SLF2: variants seen among roughly 807,000 people sequenced by gnomAD.
The protein encoded by SLF2 is SMC5/6 complex localization factor 2.
SLF2 carries 68 observed loss-of-function variants against 124.3 expected under a neutral mutation model. The observed-to-expected ratio is 0.55, with a 90% CI of 0.45 to 0.67. SLF2 has a LOEUF of 0.67. SLF2 is among the 30% of genes least tolerant of loss of function. The probability of loss-of-function intolerance (pLI) is 0.00; values close to 1 mark genes in which losing one functional copy is unlikely to be tolerated. For synonymous variants in SLF2, 480 were observed against 478.8 expected, an observed-to-expected ratio of 1.00 and a Z score of -0.03; for missense variants, 1,246 against 1,373.7, an observed-to-expected ratio of 0.91 and a Z score of 1.47.
At chr10:100,940,820 C>CTCCTTCCT (rs537223341) in intron 11 of SLF2, among the ~76,000 whole-genome samples, 31,173 of 100,868 alleles carry the variant, frequency 0.31, 6,470 homozygotes, top group Middle Eastern at 0.43. Flanking sequence ...CCTGCCCCTT[C>CTCCTTCCT]TCCTTCCTTC....
chr10:100,917,063 C>G lies in SLF2; in HGVS notation c.678C>G (p.His226Gln). 1 of 1,614,170 alleles carries G rather than the reference C, an allele frequency of 6.2e-7. No homozygotes were observed. The highest frequency in any genetic ancestry group is 1.1e-5 in the South Asian group (1 of 91,082). ...GCAGGAGCAGCCTGTCCAGGCACCA[C>G]CCGGAAGAAAGCCCACTGGGAGCTA... ...LSSRSSLSRH[H>Q]PEESPLGAKF... Residue 226 changes from histidine (H) to glutamine (Q), a missense_variant, in exon 3 of 20, where the codon CAC (histidine) becomes CAG (glutamine). Coordinates refer to ENST00000238961, the MANE Select transcript of SLF2 (RefSeq NM_018121.4).
chr10:100,937,050 CTTTATT>C (rs1309966901), intron 9 of SLF2, among the ~76,000 whole-genome samples: 1 of 151,972 alleles, frequency 6.6e-6, no homozygotes, highest in Non-Finnish European at 1.5e-5. Context: ...CATAAAATGC[CTTTATT>C]TTTATTTTAT....
Position 100,916,659 on chromosome 10 carries a change from A to T in SLF2, c.274A>T (p.Lys92Ter). 1 of 1,528,660 alleles carries T rather than the reference A, an allele frequency of 6.5e-7. No homozygotes were observed. 94.7% of individuals were successfully genotyped at this position (1,528,660 alleles called of 1,614,324 possible). ...SITGTEQFER[K>*]LSSPKESKPK... ...CACTGGGACAGAGCAGTTTGAAAGG[A>T]AACTATCCTCACCAAAAGAATCTAA... Residue 92 changes from lysine to a stop codon, truncating the protein, a stop_gained, in exon 3 of 20, where the codon AAA becomes TAA. Coordinates refer to ENST00000238961, the MANE Select transcript of SLF2 (RefSeq NM_018121.4). LOFTEE classifies it high-confidence loss of function.
chr10:100,939,962 A>G (rs150914944), intron 11 of SLF2, among the ~76,000 whole-genome samples: 113 of 152,334 alleles, frequency 7.4e-4, no homozygotes, highest in African/African-American at 2.7e-3. Flanking sequence ...ACTATGTTTC[A>G]TCACTTTAAA....
intron 13 of SLF2, 148 bp from the exon 14 acceptor site, chr10:100,946,891 C>T (rs1850115063): frequency 1.6e-6 from 1 of 613,572 alleles, no homozygotes; most frequent in Non-Finnish European, 2.9e-6. Flanking sequence ...TACATTTTAG[C>T]AGATTCTAGA....
At chr10:100,937,995 G>A (rs1849899311) in intron 10 of SLF2, among the ~76,000 whole-genome samples, 1 of 152,130 alleles carries the variant, frequency 6.6e-6, no homozygotes, top group Admixed American at 6.6e-5. Flanking sequence ...AAGAATATAA[G>A]ATCTTGCAAG....
At chr10:100,919,736 C>T (rs913940934) in intron 4 of SLF2, among the ~76,000 whole-genome samples, 4 of 152,108 alleles carry the variant, frequency 2.6e-5, no homozygotes, top group Non-Finnish European at 5.9e-5. Context: ...ACATTGGACA[C>T]GATAATAATA....
Position 100,917,319 on chromosome 10 carries a change from G to T in SLF2, c.915+19G>T. On this transcript the variant is annotated intron_variant, in intron 3 of 19. Coordinates refer to ENST00000238961, the MANE Select transcript of SLF2 (RefSeq NM_018121.4). ...AAATGTGGTATGTGTAAGAATTATT[G>T]AATTAGCATTGCTACTGCTATGTCA... The T allele has an allele frequency of 1.9e-6, 3 of 1,578,266 alleles. No homozygotes were observed. Among genetic ancestry groups the T allele is most frequent in the South Asian group, 2.3e-5 (2 of 85,382 alleles).
At chr10:100,933,765 C>T (rs1296678558) in intron 9 of SLF2, among the ~76,000 whole-genome samples, 1 of 152,068 alleles carries the variant, frequency 6.6e-6, no homozygotes, top group Non-Finnish European at 1.5e-5. Flanking sequence ...CTACAACCTC[C>T]GCCTCCTAGG....
At chr10:100,913,958 G>A (rs1849370217) in intron 1 of SLF2, 2 of 822,116 alleles carry the variant, frequency 2.4e-6, no homozygotes, top group South Asian at 5.5e-5. Flanking sequence ...TACTAATACT[G>A]TGGTACAGGC....
intron 11 of SLF2, among the ~76,000 whole-genome samples, chr10:100,941,756 G>T (rs1849986657): frequency 6.6e-6 from 1 of 152,054 alleles, no homozygotes; most frequent in Non-Finnish European, 1.5e-5. Context: ...TGTTCTAAGG[G>T]CTTCACATAG....
chr10:100,922,413 T>C (rs1278607398), intron 4 of SLF2, among the ~76,000 whole-genome samples: 2 of 152,158 alleles, frequency 1.3e-5, no homozygotes, highest in African/African-American at 4.8e-5. Flanking sequence ...GGTTGTACTT[T>C]TCGCAGAGGC....
At position 100,943,246 on chromosome 10, in the gene SLF2, T is replaced by C. The variant is rs144742901; in HGVS notation, c.2655-780T>C. Among the ~76,000 whole-genome samples the C allele has an allele frequency of 4.9e-4, 75 of 152,334 alleles. No individual in the cohort carries two copies. In the East Asian group the frequency reaches 0.011, roughly 22 times the overall value. On this transcript the variant is annotated intron_variant, in intron 11 of 19. Coordinates refer to ENST00000238961, the MANE Select transcript of SLF2 (RefSeq NM_018121.4). Reference sequence around the variant, plus strand: ...GGTTTTAGGAGCTCTGTGCCAGGAATTGGGGACAAAGATCAAATGTATTTC... The same window carrying C: ...GGTTTTAGGAGCTCTGTGCCAGGAACTGGGGACAAAGATCAAATGTATTTC...
At position 100,916,554 on chromosome 10, in the gene SLF2, T is replaced by C; in HGVS notation, c.185-16T>C. 1 of 1,324,772 alleles carries C rather than the reference T, an allele frequency of 7.5e-7. No homozygotes were observed. Among genetic ancestry groups the C allele is most frequent in the Non-Finnish European group, 9.7e-7 (1 of 1,029,218 alleles). 82.1% of individuals were successfully genotyped at this position (1,324,772 alleles called of 1,614,324 possible). ...TACTAACATGCAATTTGTATGTGTT[T>C]TAATTGGCTATTTAGACAGACACAT... On this transcript the variant is annotated splice_polypyrimidine_tract_variant and intron_variant, in intron 2 of 19. Coordinates refer to ENST00000238961, the MANE Select transcript of SLF2 (RefSeq NM_018121.4).
intron 17 of SLF2, among the ~76,000 whole-genome samples, chr10:100,953,733 A>AC (rs1850269283): frequency 6.6e-6 from 1 of 151,874 alleles, no homozygotes; most frequent in South Asian, 2.1e-4. Context: ...GCTCACTGCA[A>AC]CCTCCGTCTC....
At chr10:100,935,387 T>C (rs1173773564) in intron 9 of SLF2, among the ~76,000 whole-genome samples, 1 of 150,440 alleles carries the variant, frequency 6.6e-6, no homozygotes, top group Non-Finnish European at 1.5e-5. Context: ...AGTGCGAGAT[T>C]CTGTCCCAAA....
At chr10:100,915,842 A>G (rs570907837) in intron 1 of SLF2, among the ~76,000 whole-genome samples, 157 bp from the exon 2 acceptor site, 1 of 152,294 alleles carries the variant, frequency 6.6e-6, no homozygotes, top group African/African-American at 2.4e-5. Context: ...TGTTTTTTTA[A>G]TGAACAGTTT....
In SLF2 at chr10:100,963,472, C is replaced by T. The variant is rs1265068830; in HGVS notation, c.*1560C>T. The T allele has an allele frequency of 6.6e-6, 1 of 152,580 alleles. No individual in the cohort carries two copies. Among genetic ancestry groups the T allele is most frequent in the Non-Finnish European group, 1.5e-5 (1 of 68,044 alleles). The allele number at this position is 152,580 out of a possible 1,614,324, so 9.5% of individuals were successfully genotyped here. On this transcript the variant is annotated 3_prime_UTR_variant, in exon 20 of 20. Transcript: ENST00000238961. ...TGGTAAGAATATTATTATCTTGATA[C>T]TACCTCTCAAGGGTATTGTTACAAA...
In SLF2 at chr10:100,923,985, G is replaced by A; in HGVS notation, c.984G>A (p.Lys328=). 6.5e-7 allele frequency: 1 copy of A among 1,541,256 alleles called. No homozygotes were observed. Among genetic ancestry groups the A allele is most frequent in the Non-Finnish European group, 8.7e-7 (1 of 1,151,348 alleles). The change falls in exon 5 of 20, where the codon AAG becomes AAA. Residue 328 remains lysine, a synonymous_variant. Coordinates refer to ENST00000238961, the MANE Select transcript of SLF2 (RefSeq NM_018121.4). ...AAAATTAAATTTTAGCAGGCTCTAAGCAGAATAAATTCCCTGAAAAAAGAA... is the reference window on the plus strand; with the variant it reads ...AAAATTAAATTTTAGCAGGCTCTAAACAGAATAAATTCCCTGAAAAAAGAA... ...DSWEPTSAGS[K]QNKFPEKRKR... is the part of the protein sequence containing the mutation.
Sources: allele counts gnomAD v4.1 joint callset (sites outside exome capture counted in the v4.1 genomes callset), GRCh38; gene constraint gnomAD v4.1.1; transcripts MANE v1.5; gene names NCBI Gene and HGNC (gene_info 2026-07-23, HGNC 2026-07-21).